Variants in KIF22 observed in about 807,000 individuals in gnomAD.
KIF22 encodes kinesin-like protein KIF22.
Under a neutral mutation model 73.0 loss-of-function variants are expected in KIF22, and 62 were observed. The observed-to-expected ratio is 0.85, with a 90% CI of 0.69 to 1.05. KIF22 has a LOEUF of 1.05. KIF22 is among the 50% of genes least tolerant of loss of function. KIF22 has a pLI of 0.00. For missense variants in KIF22, 854 were observed against 870.1 expected (o/e 0.98, Z 0.23); for synonymous variants, 411 against 340.1 (o/e 1.21, Z -2.29).
At position 29,804,849 on chromosome 16, in the gene KIF22, G is replaced by A. The variant is rs371212098; in HGVS notation, c.1713G>A (p.Lys571=). 6 of 1,613,248 alleles carry A rather than the reference G, an allele frequency of 3.7e-6. No homozygotes were observed. The South Asian group carries it at 4.4e-5, about 12-fold the overall frequency. ...TGGATGCCCTAGAGCCTGAGGAGAAGGCTGAGGACTGCTGGGAGCTACAGA... is the reference window on the plus strand; with the variant it reads ...TGGATGCCCTAGAGCCTGAGGAGAAAGCTGAGGACTGCTGGGAGCTACAGA... ...ESLDALEPEE[K]AEDCWELQIS... The change falls in exon 12 of 14, where the codon AAG becomes AAA. Residue 571 remains lysine (K), a synonymous_variant. Coordinates refer to ENST00000160827, the MANE Select transcript of KIF22 (RefSeq NM_007317.3).
At chr16:29,799,873 C>T in intron 7 of KIF22, 40 bp from the exon 8 acceptor site, 4 of 1,612,692 alleles carry the variant, frequency 2.5e-6, no homozygotes, top group Non-Finnish European at 8.5e-7. Flanking sequence ...AGGCTGACCA[C>T]CCCCAATCCC....
At chr16:29,791,852 G>A (rs1307779177) in intron 1 of KIF22, among the ~76,000 whole-genome samples, 1 of 152,180 alleles carries the variant, frequency 6.6e-6, no homozygotes, top group African/African-American at 2.4e-5. Flanking sequence ...GCTGAGCACA[G>A]TCTCCCCTTA....
chr16:29,804,858 C>G lies in KIF22; in HGVS notation c.1722C>G (p.Asp574Glu). 1 of 1,613,644 alleles carries G rather than the reference C, an allele frequency of 6.2e-7. No individual in the cohort carries two copies. Among genetic ancestry groups the G allele is most frequent in the Non-Finnish European group, 8.5e-7 (1 of 1,179,846 alleles). ...TAGAGCCTGAGGAGAAGGCTGAGGA[C>G]TGCTGGGAGCTACAGATCAGCCCGG... ...DALEPEEKAE[D>E]CWELQISPEL... Residue 574 changes from aspartate to glutamate, a missense_variant, in exon 12 of 14, where the codon GAC becomes GAG. Around this residue, in one of 3 missense-constraint regions of KIF22, gnomAD observed 423 missense variants for 365.4 expected, o/e 1.16. Coordinates refer to ENST00000160827, the MANE Select transcript of KIF22 (RefSeq NM_007317.3).
chr16:29,796,294 C>T lies in KIF22; in HGVS notation c.71-599C>T, dbSNP rs1033928895. On this transcript the variant is annotated intron_variant, in intron 1 of 13. Coordinates refer to ENST00000160827, the MANE Select transcript of KIF22 (RefSeq NM_007317.3). ...AAAAAAAAAAAAAAAAACACACACA[C>T]ACACACACACAGAAAATTCTGGCAG... Among the ~76,000 whole-genome samples, 191 of 142,100 alleles carry T rather than the reference C, an allele frequency of 1.3e-3. 1 individual carries two copies. The highest frequency in any genetic ancestry group is 4.7e-3 in the African/African-American group (180 of 38,666). 93.2% of individuals were successfully genotyped at this position (142,100 alleles called of 152,430 possible).
chr16:29,794,622 C>T lies in KIF22; in HGVS notation c.71-2271C>T, dbSNP rs551466414. Among the ~76,000 whole-genome samples, 4 of 152,200 alleles carry T rather than the reference C, an allele frequency of 2.6e-5. No individual in the cohort carries two copies. The East Asian group carries it at 5.8e-4, about 22-fold the overall frequency. ...TCTGAGACACAGTCTTGCTCTGTCA[C>T]CCAGGCTGGAGTGCAGTGGCGCAAT... On this transcript the variant is annotated intron_variant, in intron 1 of 13. Transcript: ENST00000160827.
At chr16:29,804,664 AGT>A (rs1167764920) in intron 11 of KIF22, 148 bp from the exon 12 acceptor site, 10 of 711,430 alleles carry the variant, frequency 1.4e-5, no homozygotes, top group Non-Finnish European at 2.3e-5. Flanking sequence ...TAACCCAGAG[AGT>A]GACCTGAGGG....
chr16:29,802,197 G>A (rs1170069274), intron 8 of KIF22, among the ~76,000 whole-genome samples: 1 of 150,086 alleles, frequency 6.7e-6, no homozygotes, highest in Non-Finnish European at 1.5e-5. Flanking sequence ...AGCCTCAGGA[G>A]GCCAAGGCTA....
intron 8 of KIF22, 91 bp downstream of exon 8, chr16:29,800,139 G>A: frequency 1.4e-6 from 2 of 1,416,942 alleles, no homozygotes; most frequent in Non-Finnish European, 1.9e-6. Flanking sequence ...GCAGAGAGCT[G>A]TGATCTTGTT....
At chr16:29,790,976 G>C in intron 1 of KIF22, 147 bp downstream of exon 1, 2 of 1,475,010 alleles carry the variant, frequency 1.4e-6, no homozygotes, top group Non-Finnish European at 9.0e-7. Context: ...TGAGAGTGTG[G>C]GGTCGCGAGC....
chr16:29,796,824 G>A (rs1466722034), intron 1 of KIF22, 69 bp from the exon 2 acceptor site: 4 of 1,494,020 alleles, frequency 2.7e-6, no homozygotes, highest in African/African-American at 1.4e-5. Context: ...AGCCCGCCCA[G>A]CAAAGTTGGT....
In KIF22 at chr16:29,799,475, A is replaced by G; in HGVS notation, c.971A>G (p.Lys324Arg). 1 of 1,614,176 alleles carries G rather than the reference A, an allele frequency of 6.2e-7. No individual in the cohort carries two copies. ...GLPRVPYRDS[K>R]LTRLLQDSLG... ...CCTCGTGTACCTTATCGGGACAGCA[A>G]GCTCACTCGCCTATTGCAGGTCAGG... Residue 324 changes from lysine to arginine, a missense_variant, in exon 6 of 14, where the codon AAG becomes AGG. This residue lies in a region of KIF22 where 245 missense variants were observed against 351.8 expected (regional missense o/e 0.70). Transcript: ENST00000160827.
rs776292857 is a variant in KIF22, at chr16:29,804,122, G to T, written c.1677+57G>T. On this transcript the variant is annotated intron_variant, in intron 11 of 13. Transcript: ENST00000160827. ...GGAGCCCAGAAGTAAGGGGGAGTAG[G>T]CTCTAGGGGGAGGAGCGTTGGCCTT... 3 of 1,397,272 alleles carry T rather than the reference G, an allele frequency of 2.1e-6. No homozygotes were observed. The African/African-American group carries it at 4.2e-5, about 20-fold the overall frequency. The allele number at this position is 1,397,272 out of a possible 1,614,324, so 86.6% of individuals were successfully genotyped here.
chr16:29,790,758 G>T lies in KIF22; in HGVS notation c.-2G>T, dbSNP rs763578886. ...GAGAGGCGGGCCCAAGGAGGGAGTG[G>T]AATGGCCGCGGGCGGCTCGACGCAG... On this transcript the variant is annotated 5_prime_UTR_variant, in exon 1 of 14. Transcript: ENST00000160827. 1 of 1,592,760 alleles carries T rather than the reference G, an allele frequency of 6.3e-7. No individual in the cohort carries two copies. Among genetic ancestry groups the T allele is most frequent in the Non-Finnish European group, 8.6e-7 (1 of 1,169,438 alleles).
chr16:29,803,988 C>T lies in KIF22; in HGVS notation c.1610-10C>T. 3 of 1,611,824 alleles carry T rather than the reference C, an allele frequency of 1.9e-6. No individual in the cohort carries two copies. The Admixed American group carries it at 5.0e-5, about 27-fold the overall frequency. On this transcript the variant is annotated splice_polypyrimidine_tract_variant and intron_variant, in intron 10 of 13. Transcript: ENST00000160827. ...TTGCCCTGACTCCAATTCTCGATTC[C>T]TACTTTCAGTTCAGGAGCAGGCAGC... is the stretch of plus-strand genomic sequence containing the variant.
At chr16:29,804,143 G>C (rs759253453) in intron 11 of KIF22, 78 bp downstream of exon 11, 3 of 1,211,060 alleles carry the variant, frequency 2.5e-6, no homozygotes, top group Non-Finnish European at 3.7e-6. Flanking sequence ...AGGAGCGTTG[G>C]CCTTGGGGTT....
Position 29,798,846 on chromosome 16 carries a change from A to T in KIF22, c.549+99A>T. 1.9e-6 allele frequency: 3 copies of T among 1,547,094 alleles called. No homozygotes were observed. The highest frequency in any genetic ancestry group is 2.6e-6 in the Non-Finnish European group (3 of 1,132,614). On this transcript the variant is annotated intron_variant, in intron 4 of 13. Coordinates refer to ENST00000160827, the MANE Select transcript of KIF22 (RefSeq NM_007317.3). The surrounding 1 kb of genome is among the most constrained non-coding windows in gnomAD (Gnocchi z 4.1). ...TGCTGTAGCAGGGAGGTAAGGTGAG[A>T]CCTAGAAAGACAGAGACTGGGGTAG...
intron 1 of KIF22, among the ~76,000 whole-genome samples, chr16:29,796,201 G>A (rs1898944003): frequency 1.3e-5 from 2 of 149,336 alleles, no homozygotes; most frequent in African/African-American, 2.5e-5. Flanking sequence ...AACCTGGGAG[G>A]TGGAGGTTGC....
At chr16:29,803,005 A>T in intron 9 of KIF22, 68 bp downstream of exon 9, 1 of 1,477,342 alleles carries the variant, frequency 6.8e-7, no homozygotes. Context: ...GGATCTTCAG[A>T]CAGGGAAGGA....
intron 1 of KIF22, among the ~76,000 whole-genome samples, chr16:29,793,891 G>A (rs1898886391): frequency 6.6e-6 from 1 of 152,182 alleles, no homozygotes; most frequent in African/African-American, 2.4e-5. Context: ...TGTTTCCCAA[G>A]AGTGTCGCAT....
Sources: allele counts gnomAD v4.1 joint callset (sites outside exome capture counted in the v4.1 genomes callset), GRCh38; gene constraint gnomAD v4.1.1; regional missense constraint gnomAD v4.1.1; non-coding constraint Gnocchi (gnomAD v3.1); transcripts MANE v1.5; gene names NCBI Gene and HGNC (gene_info 2026-07-23, HGNC 2026-07-21).